The following NXPE4 variants were observed in gnomAD, a reference collection of about 807,000 sequenced individuals.
NXPE4 encodes neurexophilin and PC-esterase domain family member 4, also known as NXPE family member 4.
Under a neutral mutation model 33.3 loss-of-function variants are expected in NXPE4, and 42 were observed. The ratio of observed to expected loss-of-function variants is 1.26; its 90% CI spans 0.98 to 1.63. The LOEUF (loss-of-function observed/expected upper bound fraction) is 1.63. NXPE4 is among the 40% of genes most tolerant of loss of function. The pLI, the probability that NXPE4 is intolerant of heterozygous loss-of-function variation, is 0.00. For synonymous variants in NXPE4, 253 were observed against 234.9 expected (o/e 1.08, Z -0.71); for missense variants, 709 against 647.6 (o/e 1.09, Z -1.03).
chr11:114,615,528 C>G, the NXPE4 span, among the ~76,000 whole-genome samples: 1 of 151,884 alleles, frequency 6.6e-6, no homozygotes, highest in African/African-American at 2.4e-5. Flanking sequence ...CACAGGTAAC[C>G]ACTGTTACCC....
At chr11:114,586,433 C>T (rs1949299785) in intron 2 of NXPE4, among the ~76,000 whole-genome samples, 1 of 152,200 alleles carries the variant, frequency 6.6e-6, no homozygotes, top group Non-Finnish European at 1.5e-5. Context: ...GCCTTCTGCT[C>T]TCCATTTAAA....
the NXPE4 span, among the ~76,000 whole-genome samples, chr11:114,643,698 T>C: frequency 1.3e-5 from 2 of 151,188 alleles, no homozygotes; most frequent in South Asian, 4.2e-4. Context: ...GCATGATGCC[T>C]CCACCTTTGT....
At chr11:114,654,884 A>G in the NXPE4 span, among the ~76,000 whole-genome samples, 1 of 152,160 alleles carries the variant, frequency 6.6e-6, no homozygotes, top group Non-Finnish European at 1.5e-5. Context: ...TAGATCCTTG[A>G]GGAATCGCTA....
chr11:114,665,979 TA>T, the NXPE4 span, among the ~76,000 whole-genome samples: 1 of 152,148 alleles, frequency 6.6e-6, no homozygotes, highest in South Asian at 2.1e-4. Context: ...GGGGCAGGGT[TA>T]GGAGTTGAAT....
At chr11:114,612,839 T>G in the NXPE4 span, among the ~76,000 whole-genome samples, 1 of 151,844 alleles carries the variant, frequency 6.6e-6, no homozygotes, top group African/African-American at 2.4e-5. Flanking sequence ...GGATAGTAAG[T>G]ATTGCCTTGT....
At chr11:114,610,753 G>A in the NXPE4 span, among the ~76,000 whole-genome samples, 2 of 151,898 alleles carry the variant, frequency 1.3e-5, no homozygotes, top group East Asian at 3.9e-4. Flanking sequence ...TGGATAATAA[G>A]TGTTGCCTTG....
At chr11:114,585,449 A>G (rs752786487) in intron 2 of NXPE4, among the ~76,000 whole-genome samples, 2 of 152,136 alleles carry the variant, frequency 1.3e-5, no homozygotes, top group Non-Finnish European at 2.9e-5. Flanking sequence ...TATTCCATGC[A>G]AATGGAAACC....
chr11:114,574,912 T>TC (rs1481953522), intron 5 of NXPE4, among the ~76,000 whole-genome samples: 1 of 151,896 alleles, frequency 6.6e-6, no homozygotes, highest in Non-Finnish European at 1.5e-5. Flanking sequence ...ACCAGTAACA[T>TC]CCCTTATGAA....
intron 5 of NXPE4, among the ~76,000 whole-genome samples, chr11:114,572,233 C>T (rs940618989): frequency 6.6e-6 from 1 of 152,124 alleles, no homozygotes; most frequent in Non-Finnish European, 1.5e-5. Flanking sequence ...CCTTGAATCC[C>T]AGATCTTCCC....
the NXPE4 span, among the ~76,000 whole-genome samples, chr11:114,666,728 C>T: frequency 6.6e-6 from 1 of 152,018 alleles, no homozygotes; most frequent in Admixed American, 6.6e-5. Flanking sequence ...CTGGCATATG[C>T]ATGTGAGAAG....
chr11:114,624,050 A>G, the NXPE4 span, among the ~76,000 whole-genome samples: 1 of 151,992 alleles, frequency 6.6e-6, no homozygotes, highest in Non-Finnish European at 1.5e-5. Flanking sequence ...TACCTGGTGG[A>G]TAATGAGTGT....
chr11:114,644,723 A>G, the NXPE4 span, among the ~76,000 whole-genome samples: 1 of 152,082 alleles, frequency 6.6e-6, no homozygotes, highest in African/African-American at 2.4e-5. Context: ...AAATCTCTAT[A>G]AGCTGATTCT....
chr11:114,647,444 G>A, the NXPE4 span, among the ~76,000 whole-genome samples: 1 of 152,022 alleles, frequency 6.6e-6, no homozygotes. Flanking sequence ...TCTATCTAGT[G>A]CTTATTTAAA....
At chr11:114,596,057 G>A (rs1478903180), upstream of NXPE4, among the ~76,000 whole-genome samples, 1 of 152,178 alleles carries the variant, frequency 6.6e-6, no homozygotes, top group Non-Finnish European at 1.5e-5. Flanking sequence ...AAGTTTGAAT[G>A]ATTGAGAGTA....
the NXPE4 span, among the ~76,000 whole-genome samples, chr11:114,642,318 T>A: frequency 6.6e-6 from 1 of 152,034 alleles, no homozygotes. Flanking sequence ...TGGTTTGTAG[T>A]TCTCCACATG....
At chr11:114,617,868 G>A in the NXPE4 span, among the ~76,000 whole-genome samples, 3 of 152,046 alleles carry the variant, frequency 2.0e-5, no homozygotes, top group Admixed American at 2.0e-4. Flanking sequence ...ATTGCCTCAT[G>A]GGTAACCACT....
At chr11:114,619,558 T>G in the NXPE4 span, among the ~76,000 whole-genome samples, 1 of 151,752 alleles carries the variant, frequency 6.6e-6, no homozygotes, top group African/African-American at 2.4e-5. Flanking sequence ...GGGTAACCAC[T>G]GTTACCTGGT....
the NXPE4 span, among the ~76,000 whole-genome samples, chr11:114,620,340 A>G: frequency 2.7e-5 from 4 of 148,008 alleles, no homozygotes; most frequent in African/African-American, 1.0e-4. Context: ...ATATTGCCTC[A>G]CTGGTAACCA....
chr11:114,666,202 G>A, the NXPE4 span, among the ~76,000 whole-genome samples: 1 of 151,960 alleles, frequency 6.6e-6, no homozygotes, highest in African/African-American at 2.4e-5. Flanking sequence ...TTTTTTGAAA[G>A]CTATATACCT....
Sources: gnomAD v4.1 joint callset for allele counts (sites outside exome capture counted in the v4.1 genomes callset) on GRCh38, gnomAD v4.1.1 for gene constraint, MANE v1.5 for transcripts, NCBI Gene and HGNC (gene_info 2026-07-23, HGNC 2026-07-21) for gene names.